MUC12: variants seen among roughly 807,000 people sequenced by gnomAD.
MUC12 encodes the protein mucin-12.
Under a neutral mutation model 230.8 loss-of-function variants are expected in MUC12, and 172 were observed. The observed-to-expected ratio is 0.75, with a 90% confidence interval of 0.66 to 0.85. The LOEUF (loss-of-function observed/expected upper bound fraction) is 0.85. Ranked by LOEUF, MUC12 falls within the 40% of genes least tolerant of loss-of-function variation. The pLI is 0.00. For missense variants in MUC12, 3,506 were observed against 5,920.6 expected, an observed-to-expected ratio of 0.59 and a Z score of 13.38; for synonymous variants, 1,259 against 2,401.9, an observed-to-expected ratio of 0.52 and a Z score of 13.91.
Position 101,004,920 on chromosome 7 carries a change from C to G in MUC12, c.14357C>G (p.Thr4786Ser), listed in dbSNP as rs1031678731. 4 of 1,537,938 alleles carry G rather than the reference C, an allele frequency of 2.6e-6. No individual in the cohort carries two copies. Among genetic ancestry groups the G allele is most frequent in the Non-Finnish European group, 3.5e-6 (4 of 1,147,064 alleles). ...THTTAFPAST[T>S]TSGLSQESTT... ...ACAACAGCGTTCCCTGCCAGCACCA[C>G]CACCTCAGGCCTCAGTCAGGAATCA... Residue 4786 changes from threonine (T) to serine (S), a missense_variant, in exon 2 of 12, where the codon ACC (threonine) becomes AGC (serine). Coordinates refer to ENST00000536621, the MANE Select transcript of MUC12 (RefSeq NM_001164462.2).
chr7:100,974,815 AC>A (rs1306673040), intron 1 of MUC12, among the ~76,000 whole-genome samples: 1 of 150,080 alleles, frequency 6.7e-6, no homozygotes, highest in African/African-American at 2.5e-5. Flanking sequence ...ACAGAGAGAG[AC>A]CTTGTCTCAA....
chr7:100,991,403 C>G lies in MUC12; in HGVS notation c.840C>G (p.Ser280Arg). ...THEGEPTTFQ[S>R]WPSSKDTSPA... is the part of the protein sequence containing the mutation. ...AGGGAGAACCTACCACCTTCCAGAG[C>G]TGGCCAAGCTCAAAGGACACTTCGC... Residue 280 changes from serine to arginine, a missense_variant, in exon 2 of 12, where the codon AGC becomes AGG. Physicochemically the swap from Ser to Arg is moderately radical, Grantham distance 110. Transcript: ENST00000536621. 2 of 1,537,868 alleles carry G rather than the reference C, an allele frequency of 1.3e-6. No individual in the cohort carries two copies. The highest frequency in any genetic ancestry group is 1.7e-6 in the Non-Finnish European group (2 of 1,147,056).
chr7:100,995,752 C>T lies in MUC12; in HGVS notation c.5189C>T (p.Ala1730Val), dbSNP rs1276970885. Residue 1730 changes from alanine to valine, a missense_variant, in exon 2 of 12, where the codon GCC becomes GTC. Ala to Val is a moderately conservative substitution (Grantham distance 64). Transcript: ENST00000536621. Reference sequence around the variant, plus strand: ...TCAACTCCAACAACCCACTTTTCTGCCAGCTCCACAACCTTGGGCCGTAGT... The same window carrying T: ...TCAACTCCAACAACCCACTTTTCTGTCAGCTCCACAACCTTGGGCCGTAGT... ...PSSTPTTHFS[A>V]SSTTLGRSEE... 5.2e-6 allele frequency: 8 copies of T among 1,533,910 alleles called. No homozygotes were observed. The African/African-American group carries it at 8.4e-5, about 16-fold the overall frequency.
chr7:101,012,500 C>T (rs1793852781), intron 6 of MUC12, 53 bp downstream of exon 6: 2 of 1,500,850 alleles, frequency 1.3e-6, no homozygotes, highest in South Asian at 1.2e-5. Flanking sequence ...AGATCGTGAC[C>T]TTGACCTCTC....
At chr7:101,009,336 T>C (rs1793807520) in intron 5 of MUC12, among the ~76,000 whole-genome samples, 177 bp downstream of exon 5, 1 of 152,134 alleles carries the variant, frequency 6.6e-6, no homozygotes, top group Non-Finnish European at 1.5e-5. Context: ...ATTCATCCAC[T>C]CAACACACAT....
intron 1 of MUC12, among the ~76,000 whole-genome samples, chr7:100,988,182 C>A (rs1222667373): frequency 2.7e-5 from 4 of 149,590 alleles, no homozygotes; most frequent in African/African-American, 9.9e-5. Flanking sequence ...CCTGTAATCC[C>A]AGCTACTCAG....
chr7:101,015,607 G>T lies in MUC12; in HGVS notation c.15801-8G>T. 16 of 1,537,486 alleles carry T rather than the reference G, an allele frequency of 1.0e-5. No homozygotes were observed. The highest frequency in any genetic ancestry group is 1.4e-5 in the Non-Finnish European group (16 of 1,146,880). On this transcript the variant is annotated splice_polypyrimidine_tract_variant and splice_region_variant and intron_variant, in intron 9 of 11. Coordinates refer to ENST00000536621, the MANE Select transcript of MUC12 (RefSeq NM_001164462.2). ...GCCTACAGCTGCTCAAGGCATTTCTGTCTGCAGGGAACAGTATGATGTGCC... is the reference window on the plus strand; with the variant it reads ...GCCTACAGCTGCTCAAGGCATTTCTTTCTGCAGGGAACAGTATGATGTGCC...
chr7:101,004,294 C>G lies in MUC12; in HGVS notation c.13731C>G (p.Val4577=). Residue 4577 remains valine (V), a synonymous_variant, in exon 2 of 12, where the codon GTC becomes GTG. Coordinates refer to ENST00000536621, the MANE Select transcript of MUC12 (RefSeq NM_001164462.2). Reference sequence around the variant, plus strand: ...GCCGTAGTGAGGAATCGACAACAGTCCACAGCAGCCCAGTTGCAACTGCAA... The same window carrying G: ...GCCGTAGTGAGGAATCGACAACAGTGCACAGCAGCCCAGTTGCAACTGCAA... ...TLGRSEESTT[V]HSSPVATATT... is the part of the protein sequence containing the mutation. The G allele has an allele frequency of 3.1e-6, 3 of 961,040 alleles. No individual in the cohort carries two copies. The highest frequency in any genetic ancestry group is 2.8e-6 in the Non-Finnish European group (2 of 702,546). 59.5% of individuals were successfully genotyped at this position (961,040 alleles called of 1,614,324 possible). A position where few individuals can be genotyped will look rare whatever the true frequency, so the allele number is the denominator to read the frequency against.
intron 1 of MUC12, among the ~76,000 whole-genome samples, chr7:100,982,606 T>A (rs1273875174): frequency 6.6e-6 from 1 of 151,934 alleles, no homozygotes; most frequent in Non-Finnish European, 1.5e-5. Context: ...CTGACTAATT[T>A]TTTGTTGAGA....
rs1387483843 is a variant in MUC12 at position 101,004,786 on chromosome 7, T to G, written c.14223T>G (p.Leu4741=). 5 of 1,537,506 alleles carry G rather than the reference T, an allele frequency of 3.3e-6. No individual in the cohort carries two copies. The highest frequency in any genetic ancestry group is 2.6e-6 in the Non-Finnish European group (3 of 1,147,008). ...GCCTCAGTGCAAAATCTACCATCCT[T>G]TACAGTAGCTCCAGATCACCAGACC... ...TPGLSAKSTI[L]YSSSRSPDQT... Residue 4741 remains leucine, a synonymous_variant, in exon 2 of 12, where the codon CTT becomes CTG. Transcript: ENST00000536621.
Position 100,991,507 on chromosome 7 carries a change from C to A in MUC12, c.944C>A (p.Thr315Asn), listed in dbSNP as rs775635504. Residue 315 changes from threonine to asparagine, a missense_variant, in exon 2 of 12, where the codon ACC becomes AAC. Transcript: ENST00000536621. ...AGCAGCCCGAGCTCAACTCCAACAA[C>A]CCACTTTTCTGCCAGCTCCACAACC... Reference protein sequence around the residue: ...YHSSPSSTPTTHFSASSTTLG... With the variant: ...YHSSPSSTPTNHFSASSTTLG... The A allele has an allele frequency of 2.0e-6, 3 of 1,537,094 alleles. No homozygotes were observed. The highest frequency in any genetic ancestry group is 1.2e-5 in the South Asian group (1 of 84,046).
chr7:100,980,175 C>T (rs1397206786), intron 1 of MUC12, among the ~76,000 whole-genome samples: 1 of 152,084 alleles, frequency 6.6e-6, no homozygotes, highest in Non-Finnish European at 1.5e-5. Context: ...TCCCGAGTAG[C>T]TGGGTCTATA....
At position 100,991,148 on chromosome 7, in the gene MUC12, T is replaced by C; in HGVS notation, c.585T>C (p.Ala195=). ...TMPGVSQEST[A]SHSIPGSTDT... ...CAGGCGTCAGTCAGGAATCTACAGC[T>C]TCCCACAGCATCCCCGGCTCCACAG... The change falls in exon 2 of 12, where the codon GCT becomes GCC. Residue 195 remains alanine, a synonymous_variant. Transcript: ENST00000536621. The C allele has an allele frequency of 6.5e-7, 1 of 1,537,542 alleles. No homozygotes were observed. Among genetic ancestry groups the C allele is most frequent in the Non-Finnish European group, 8.7e-7 (1 of 1,146,996 alleles).
Position 100,992,522 on chromosome 7 carries a change from C to T in MUC12, c.1959C>T (p.Ala653=), listed in dbSNP as rs1793348607. The change falls in exon 2 of 12, where the codon GCC becomes GCT. Residue 653 remains alanine, a synonymous_variant. Transcript: ENST00000536621. The part of the protein sequence containing the change: ...TRPAPPTTTS[A]FVEPSTTSHG... Reference sequence around the variant, plus strand: ...CTGCACCTCCTACTACCACATCAGCCTTTGTTGAGCCATCTACAACCTCCC... The same window carrying T: ...CTGCACCTCCTACTACCACATCAGCTTTTGTTGAGCCATCTACAACCTCCC... 2.0e-6 allele frequency: 3 copies of T among 1,537,970 alleles called. No individual in the cohort carries two copies. Among genetic ancestry groups the T allele is most frequent in the Non-Finnish European group, 2.6e-6 (3 of 1,147,070 alleles).
intron 1 of MUC12, 29 bp downstream of exon 1, chr7:100,969,718 T>A: frequency 7.8e-6 from 12 of 1,537,332 alleles, no homozygotes; most frequent in Non-Finnish European, 9.6e-6. Flanking sequence ...ATGCTCCAGG[T>A]CCAGTGCTCC....
At chr7:100,976,607 A>T (rs1488625950) in intron 1 of MUC12, among the ~76,000 whole-genome samples, 3 of 152,162 alleles carry the variant, frequency 2.0e-5, no homozygotes, top group Non-Finnish European at 2.9e-5. Context: ...CTTTATAAAA[A>T]AAAAAAAATG....
At chr7:100,982,048 G>C (rs575115679) in intron 1 of MUC12, among the ~76,000 whole-genome samples, 156 of 152,114 alleles carry the variant, frequency 1.0e-3, no homozygotes, top group Middle Eastern at 3.4e-3. Flanking sequence ...TATATTTTTA[G>C]TAGAGATGAG....
In MUC12 at chr7:100,991,444, C is replaced by CCA. The variant is rs1562781928; in HGVS notation, c.884_885dup (p.Ser296HisfsTer113). 7 of 1,537,834 alleles carry CCA rather than the reference C, an allele frequency of 4.6e-6. No individual in the cohort carries two copies. The highest frequency in any genetic ancestry group is 6.1e-6 in the Non-Finnish European group (7 of 1,147,048). ...GACACTTCGCCTGCACCTTCTGGTA[C>CCA]CACATCAGCCTTTGTTAAACTATCT... On this transcript the variant is annotated frameshift_variant, in exon 2 of 12. Coordinates refer to ENST00000536621, the MANE Select transcript of MUC12 (RefSeq NM_001164462.2). LOFTEE classifies it high-confidence loss of function.
chr7:100,984,460 T>C (rs1264710691), intron 1 of MUC12, among the ~76,000 whole-genome samples: 1 of 152,158 alleles, frequency 6.6e-6, no homozygotes, highest in Non-Finnish European at 1.5e-5. Context: ...TTTCACCACG[T>C]TGGCCAGGCT....
Sources: allele counts gnomAD v4.1 joint callset (sites outside exome capture counted in the v4.1 genomes callset), GRCh38; gene constraint gnomAD v4.1.1; transcripts MANE v1.5; gene names NCBI Gene and HGNC (gene_info 2026-07-23, HGNC 2026-07-21).